Variants in METTL8 observed in about 807,000 individuals in gnomAD.
METTL8 encodes the protein methyltransferase 8, tRNA N3-cytidine, also known as tRNA N(3)-cytidine methyltransferase METTL8, mitochondrial.
A neutral mutation model predicts 48.7 loss-of-function variants in METTL8; 32 were observed. The ratio of observed to expected loss-of-function variants is 0.66; its 90% CI spans 0.50 to 0.88. METTL8 has a LOEUF of 0.88. Ranked by LOEUF, METTL8 falls within the 40% of genes least tolerant of loss-of-function variation. The probability of loss-of-function intolerance (pLI) is 0.00; values close to 1 mark genes in which losing one functional copy is unlikely to be tolerated. For synonymous variants in METTL8, 136 were observed against 157.1 expected (o/e 0.87, Z 1.01); for missense variants, 464 against 474.4 (o/e 0.98, Z 0.20).
rs1351397848 is a variant in METTL8 at position 171,320,793 on chromosome 2, A to C, written c.*3379T>G. The stretch of plus-strand genomic sequence containing the variant: ...ACTTGCCATCAAGGCAAGTTTGTGC[A>C]AAAACCTTTATGTGGTCTTCCTTGC... On this transcript the variant is annotated 3_prime_UTR_variant, in exon 10 of 10. Coordinates refer to ENST00000375258, the MANE Select transcript of METTL8 (RefSeq NM_001321154.2). The C allele has an allele frequency of 6.6e-6, 1 of 152,236 alleles. No homozygotes were observed. Among genetic ancestry groups the C allele is most frequent in the Non-Finnish European group, 1.5e-5 (1 of 68,036 alleles). The allele number at this position is 152,236 out of a possible 1,614,324, so 9.4% of individuals were successfully genotyped here.
chr2:171,429,607 T>TA (rs1383337448), intron 1 of METTL8, among the ~76,000 whole-genome samples: 1 of 152,216 alleles, frequency 6.6e-6, no homozygotes, highest in East Asian at 1.9e-4. Context: ...AACACACACA[T>TA]AAAAAAATTA....
At chr2:171,433,123 C>G (rs1693293145) in intron 1 of METTL8, 2 of 152,212 alleles carry the variant, frequency 1.3e-5, no homozygotes, top group South Asian at 4.2e-4. Flanking sequence ...GACATTCCAT[C>G]GCAGGGAGCA....
intron 3 of METTL8, among the ~76,000 whole-genome samples, chr2:171,341,273 A>G (rs1686729583): frequency 6.6e-6 from 1 of 151,354 alleles, no homozygotes; most frequent in Non-Finnish European, 1.5e-5. Flanking sequence ...GGTTGCAGTG[A>G]GCCGAGATCA....
chr2:171,339,704 A>G (rs1008173552), intron 3 of METTL8, 150 bp from the exon 4 acceptor site: 1 of 424,360 alleles, frequency 2.4e-6, no homozygotes, highest in Non-Finnish European at 4.0e-6. Context: ...ATTTTAATCT[A>G]TCTGATAAAA....
chr2:171,332,712 G>A (rs1173729189), intron 5 of METTL8: 1 of 152,196 alleles, frequency 6.6e-6, no homozygotes, highest in African/African-American at 2.4e-5. Flanking sequence ...TGGCTCTCAT[G>A]GGTTTTATAG....
Position 171,322,029 on chromosome 2 carries a change from C to G in METTL8, c.*2143G>C, listed in dbSNP as rs1018773403. On this transcript the variant is annotated 3_prime_UTR_variant, in exon 10 of 10. Transcript: ENST00000375258. The stretch of plus-strand genomic sequence containing the variant: ...CCAGGCTGGAGGGCAGTGGTGTCAT[C>G]TCGGCTCACTGCAACCTCTGCCTCC... The G allele has an allele frequency of 2.0e-5, 3 of 149,542 alleles. No individual in the cohort carries two copies. The highest frequency in any genetic ancestry group is 7.4e-5 in the African/African-American group (3 of 40,618). The allele number at this position is 149,542 out of a possible 1,614,324, so 9.3% of individuals were successfully genotyped here.
At chr2:171,324,924 T>C (rs867967471) in intron 9 of METTL8, among the ~76,000 whole-genome samples, 1 of 151,888 alleles carries the variant, frequency 6.6e-6, no homozygotes, top group African/African-American at 2.4e-5. Context: ...GGTCAAATGG[T>C]GAAACCCCTT....
chr2:171,369,872 T>C (rs1180488243), intron 2 of METTL8, among the ~76,000 whole-genome samples: 7 of 151,806 alleles, frequency 4.6e-5, no homozygotes, highest in Non-Finnish European at 1.0e-4. Context: ...TCAAGACCAG[T>C]CTGACCAACA....
At chr2:171,394,677 T>C (rs967312808) in intron 1 of METTL8, among the ~76,000 whole-genome samples, 1 of 152,242 alleles carries the variant, frequency 6.6e-6, no homozygotes, top group African/African-American at 2.4e-5. Flanking sequence ...TTGCTATTTA[T>C]CTTATTACAT....
chr2:171,422,984 T>C (rs75491577), intron 1 of METTL8, among the ~76,000 whole-genome samples: 2,729 of 152,290 alleles, frequency 0.018, 80 homozygotes, highest in African/African-American at 0.057. Context: ...CTCCACATGT[T>C]GTGGGAGGGA....
intron 1 of METTL8, among the ~76,000 whole-genome samples, chr2:171,397,005 T>TA (rs1216389019): frequency 1.3e-5 from 2 of 150,734 alleles, no homozygotes; most frequent in African/African-American, 4.9e-5. Context: ...TTTTTTTTTT[T>TA]AAGAGAGGGT....
intron 2 of METTL8, among the ~76,000 whole-genome samples, chr2:171,390,400 A>G (rs1688475133): frequency 6.6e-6 from 1 of 152,206 alleles, no homozygotes; most frequent in African/African-American, 2.4e-5. Context: ...TAAGAACTAC[A>G]TTTCGTAAAG....
chr2:171,339,994 C>T (rs1411575670), intron 3 of METTL8, among the ~76,000 whole-genome samples: 2 of 150,664 alleles, frequency 1.3e-5, no homozygotes, highest in African/African-American at 2.4e-5. Flanking sequence ...GTCAGGAGTT[C>T]GAGACCAGCC....
intron 2 of METTL8, among the ~76,000 whole-genome samples, chr2:171,382,166 A>C (rs1687618323): frequency 6.6e-6 from 1 of 152,154 alleles, no homozygotes; most frequent in South Asian, 2.1e-4. Flanking sequence ...AGGATCTAGA[A>C]CCAGAAATAC....
Position 171,324,114 on chromosome 2 carries a change from T to TA in METTL8, c.*57dup, listed in dbSNP as rs1407908219. On this transcript the variant is annotated 3_prime_UTR_variant, in exon 10 of 10. Coordinates refer to ENST00000375258, the MANE Select transcript of METTL8 (RefSeq NM_001321154.2). ...ATTGTCTTTTGAGAAACAATAGACT[T>TA]ACAGTAGTCCTTGAATAGCACAGTC... is the stretch of plus-strand genomic sequence containing the variant. The TA allele has an allele frequency of 2.5e-6, 3 of 1,212,998 alleles. No homozygotes were observed. Among genetic ancestry groups the TA allele is most frequent in the East Asian group, 5.1e-5 (2 of 38,846 alleles). The allele number at this position is 1,212,998 out of a possible 1,614,324, so 75.1% of individuals were successfully genotyped here. A position where few individuals can be genotyped will look rare whatever the true frequency, so the allele number is the denominator to read the frequency against.
intron 3 of METTL8, among the ~76,000 whole-genome samples, chr2:171,357,146 A>T (rs1184614740): frequency 6.6e-6 from 1 of 151,766 alleles, no homozygotes; most frequent in Non-Finnish European, 1.5e-5. Context: ...TTTAGTAGAG[A>T]TAGGGTTTCA....
chr2:171,408,415 C>T (rs1690414485), intron 1 of METTL8, among the ~76,000 whole-genome samples: 2 of 151,986 alleles, frequency 1.3e-5, no homozygotes, highest in African/African-American at 4.8e-5. Flanking sequence ...CTGCCTCAGC[C>T]TCCCGAGTAG....
chr2:171,413,224 G>A (rs535361271), intron 1 of METTL8, among the ~76,000 whole-genome samples: 107 of 152,232 alleles, frequency 7.0e-4, no homozygotes, highest in Non-Finnish European at 1.2e-3. Context: ...CCACTTACTG[G>A]GATTTGGTGT....
At chr2:171,418,169 T>A (rs1276033457) in intron 1 of METTL8, among the ~76,000 whole-genome samples, 1 of 152,166 alleles carries the variant, frequency 6.6e-6, no homozygotes, top group Non-Finnish European at 1.5e-5. Context: ...GGTCTCGATC[T>A]CCTGACCTCA....
Sources: allele counts gnomAD v4.1 joint callset (sites outside exome capture counted in the v4.1 genomes callset), GRCh38; gene constraint gnomAD v4.1.1; transcripts MANE v1.5; gene names NCBI Gene and HGNC (gene_info 2026-07-23, HGNC 2026-07-21).